Variants in FAM227B observed in about 807,000 individuals in gnomAD.
FAM227B encodes family with sequence similarity 227 member B.
Under a neutral mutation model 73.8 loss-of-function variants are expected in FAM227B, and 88 were observed. The observed-to-expected ratio is 1.19, with a 90% CI of 1.00 to 1.42. The LOEUF is 1.42. FAM227B is among the 40% of genes most tolerant of loss of function. The probability of loss-of-function intolerance (pLI) is 0.00; values close to 1 mark genes in which losing one functional copy is unlikely to be tolerated. For missense variants in FAM227B, 632 were observed against 590.9 expected, an observed-to-expected ratio of 1.07 and a Z score of -0.72; for synonymous variants, 210 against 190.5, an observed-to-expected ratio of 1.10 and a Z score of -0.84.
chr15:49,391,535 GA>G (rs1427412473), intron 11 of FAM227B, among the ~76,000 whole-genome samples: 2 of 152,080 alleles, frequency 1.3e-5, no homozygotes, highest in East Asian at 3.8e-4. Context: ...CAGATAAAGG[GA>G]ATATGAAATC....
intron 11 of FAM227B, among the ~76,000 whole-genome samples, chr15:49,442,675 T>C (rs957731708): frequency 2.6e-5 from 4 of 151,758 alleles, no homozygotes; most frequent in Admixed American, 6.6e-5. Context: ...TTGCCTGCCA[T>C]TATAAAGCTG....
intron 11 of FAM227B, among the ~76,000 whole-genome samples, chr15:49,494,754 T>C (rs758102478): frequency 2.0e-5 from 3 of 152,196 alleles, no homozygotes; most frequent in Non-Finnish European, 2.9e-5. Flanking sequence ...TGTTCCCTTA[T>C]GTATCCGAAG....
In FAM227B at chr15:49,577,579, C is replaced by T. The variant is rs536450816; in HGVS notation, c.441+50G>A. On this transcript the variant is annotated intron_variant, in intron 6 of 15. Coordinates refer to ENST00000299338, the MANE Select transcript of FAM227B (RefSeq NM_152647.3). ...TATTGTTGTAAACATTATTTTAGTCCTACATAATACACTTGATATACAATC... is the reference window on the plus strand; with the variant it reads ...TATTGTTGTAAACATTATTTTAGTCTTACATAATACACTTGATATACAATC... 14 of 1,136,426 alleles carry T rather than the reference C, an allele frequency of 1.2e-5. No individual in the cohort carries two copies. In the South Asian group the frequency reaches 2.0e-4, roughly 16 times the overall value. The allele number at this position is 1,136,426 out of a possible 1,614,324, so 70.4% of individuals were successfully genotyped here. A position where few individuals can be genotyped will look rare whatever the true frequency, so the allele number is the denominator to read the frequency against.
At chr15:49,390,986 C>A (rs1567196862) in intron 11 of FAM227B, among the ~76,000 whole-genome samples, 2 of 151,946 alleles carry the variant, frequency 1.3e-5, no homozygotes, top group Non-Finnish European at 2.9e-5. Context: ...AGGACTAGTT[C>A]TAGTTTAAAT....
intron 10 of FAM227B, among the ~76,000 whole-genome samples, chr15:49,532,195 T>C (rs555881499): frequency 2.6e-5 from 4 of 151,722 alleles, no homozygotes; most frequent in Admixed American, 2.6e-4. Context: ...CTCAATTAAA[T>C]TATCAAATGT....
chr15:49,385,182 T>C (rs561508698), intron 11 of FAM227B, among the ~76,000 whole-genome samples: 4 of 152,070 alleles, frequency 2.6e-5, no homozygotes, highest in Admixed American at 2.6e-4. Flanking sequence ...AGAGTGGATC[T>C]AACTCCATCT....
chr15:49,493,716 T>C (rs908060211), intron 11 of FAM227B, among the ~76,000 whole-genome samples: 1 of 151,932 alleles, frequency 6.6e-6, no homozygotes, highest in Admixed American at 6.6e-5. Context: ...TCTACACTTA[T>C]CTACTTAAGC....
intron 12 of FAM227B, among the ~76,000 whole-genome samples, chr15:49,369,666 G>A (rs774274688): frequency 4.6e-5 from 7 of 152,276 alleles, no homozygotes; most frequent in African/African-American, 7.2e-5. Context: ...GAAACCCACA[G>A]GCACCCATTT....
rs1218079911 is a variant in FAM227B at position 49,357,687 on chromosome 15, G to A, written c.1271+9761C>T. On this transcript the variant is annotated intron_variant, in intron 13 of 15. Coordinates refer to ENST00000299338, the MANE Select transcript of FAM227B (RefSeq NM_152647.3). The stretch of plus-strand genomic sequence containing the variant: ...AGGAGGAACTGGTACCATTCCTTCT[G>A]AAACTATTCCAATCAATAGAAAAAG... Among the ~76,000 whole-genome samples the A allele has an allele frequency of 4.0e-5, 6 of 151,888 alleles. No homozygotes were observed. In the South Asian group the frequency reaches 1.2e-3, roughly 32 times the overall value.
intron 11 of FAM227B, among the ~76,000 whole-genome samples, chr15:49,384,414 G>A (rs770642432): frequency 5.9e-5 from 9 of 152,028 alleles, no homozygotes; most frequent in Non-Finnish European, 1.2e-4. Flanking sequence ...CAAGGATGAA[G>A]ACAGGGCTCA....
At chr15:49,366,734 G>T in intron 13 of FAM227B, 3 of 968,658 alleles carry the variant, frequency 3.1e-6, no homozygotes, top group East Asian at 5.2e-5. Context: ...CACTAGGTGG[G>T]GTAGGCTGGG....
chr15:49,437,000 G>A (rs2051164792), intron 11 of FAM227B, among the ~76,000 whole-genome samples: 2 of 151,492 alleles, frequency 1.3e-5, no homozygotes, highest in African/African-American at 4.8e-5. Flanking sequence ...AGAAGGCGTA[G>A]CAACCTTCAG....
intron 14 of FAM227B, among the ~76,000 whole-genome samples, chr15:49,332,087 CCACACACACACACACACA>C (rs377139081): frequency 3.1e-5 from 4 of 127,854 alleles, no homozygotes; most frequent in African/African-American, 1.0e-4. Flanking sequence ...TGCACACGTG[CCACACACACACACACACA>C]CACACACACA....
chr15:49,532,869 AAT>A (rs1345565578), intron 10 of FAM227B, among the ~76,000 whole-genome samples: 1 of 151,956 alleles, frequency 6.6e-6, no homozygotes, highest in African/African-American at 2.4e-5. Flanking sequence ...TATCTTTACA[AAT>A]ATTTGTAGGT....
chr15:49,514,549 C>T (rs576388657), intron 10 of FAM227B, among the ~76,000 whole-genome samples: 5 of 152,088 alleles, frequency 3.3e-5, no homozygotes, highest in East Asian at 1.9e-4. Flanking sequence ...GCAACAGATA[C>T]GACTTCCTCT....
At chr15:49,569,168 C>T (rs1194240784) in intron 8 of FAM227B, among the ~76,000 whole-genome samples, 1 of 151,880 alleles carries the variant, frequency 6.6e-6, no homozygotes, top group East Asian at 1.9e-4. Flanking sequence ...GGCATATATT[C>T]ATTTACAACA....
At chr15:49,450,474 T>TA (rs1366732460) in intron 11 of FAM227B, among the ~76,000 whole-genome samples, 1 of 152,020 alleles carries the variant, frequency 6.6e-6, no homozygotes, top group Non-Finnish European at 1.5e-5. Flanking sequence ...GCTACACCAT[T>TA]AGAGAGCCAT....
At chr15:49,361,140 A>G (rs1024812183) in intron 13 of FAM227B, among the ~76,000 whole-genome samples, 1 of 152,208 alleles carries the variant, frequency 6.6e-6, no homozygotes, top group Non-Finnish European at 1.5e-5. Flanking sequence ...CAATGTATAC[A>G]TATATCATAA....
chr15:49,375,635 C>T (rs1246526852), intron 11 of FAM227B, among the ~76,000 whole-genome samples: 1 of 151,976 alleles, frequency 6.6e-6, no homozygotes, highest in Non-Finnish European at 1.5e-5. Flanking sequence ...ATCAAAGGTG[C>T]TGGTGAAGAA....
Sources: gnomAD v4.1 joint callset for allele counts (sites outside exome capture counted in the v4.1 genomes callset) on GRCh38, gnomAD v4.1.1 for gene constraint, MANE v1.5 for transcripts, NCBI Gene and HGNC (gene_info 2026-07-23, HGNC 2026-07-21) for gene names.